The following TSTD2 variants were observed in gnomAD, a reference collection of about 807,000 sequenced individuals.
TSTD2 encodes the protein thiosulfate sulfurtransferase like domain containing 2.
Under a neutral mutation model 47.9 loss-of-function variants are expected in TSTD2, and 37 were observed. The ratio of observed to expected loss-of-function variants is 0.77; its 90% CI spans 0.59 to 1.02. The LOEUF (loss-of-function observed/expected upper bound fraction) is 1.02, where lower values mean the gene tolerates loss of function less well. Among genes scored for constraint, TSTD2 ranks in the 50% least tolerant of loss-of-function variants. The probability of loss-of-function intolerance (pLI) is 0.00; values close to 1 mark genes in which losing one functional copy is unlikely to be tolerated. For missense variants in TSTD2, 586 were observed against 616.0 expected, an observed-to-expected ratio of 0.95 and a Z score of 0.52; for synonymous variants, 201 against 215.9, an observed-to-expected ratio of 0.93 and a Z score of 0.61.
rs374891796 is a variant in TSTD2 at position 97,605,509 on chromosome 9, G to A, written c.1087C>T (p.Arg363Trp). ...MYCTGGIRCERGSAYLKAKGV... is the reference protein window; with the variant it reads ...MYCTGGIRCEWGSAYLKAKGV... ...TTGGCTTTGAGGTAGGCTGAACCCC[G>A]CTCACAGCGGATGCCCCCGGTACAG... Residue 363 changes from arginine to tryptophan, a missense_variant, in exon 8 of 10, where the codon CGG becomes TGG. Transcript: ENST00000341170. The A allele has an allele frequency of 2.0e-5, 32 of 1,613,734 alleles. No individual in the cohort carries two copies. Among genetic ancestry groups the A allele is most frequent in the Non-Finnish European group, 2.7e-5 (32 of 1,179,920 alleles).
intron 6 of TSTD2, among the ~76,000 whole-genome samples, chr9:97,607,799 T>C (rs995139934): frequency 6.6e-6 from 1 of 151,990 alleles, no homozygotes. Flanking sequence ...AGCTACTCAG[T>C]AGGCTGAGGC....
chr9:97,606,322 G>A, intron 6 of TSTD2, 61 bp from the exon 7 acceptor site: 2 of 962,744 alleles, frequency 2.1e-6, no homozygotes, highest in Admixed American at 2.2e-5. Context: ...ACCCAATCAT[G>A]ACTCACCCAG....
intron 1 of TSTD2, among the ~76,000 whole-genome samples, chr9:97,629,916 T>C (rs1032149455): frequency 6.6e-6 from 1 of 152,226 alleles, no homozygotes; most frequent in African/African-American, 2.4e-5. Flanking sequence ...CAGCATCTTT[T>C]CCAATCTCCC....
At chr9:97,613,827 CTTT>C (rs755229835) in intron 4 of TSTD2, among the ~76,000 whole-genome samples, 7 of 123,052 alleles carry the variant, frequency 5.7e-5, no homozygotes, top group African/African-American at 3.2e-5. Flanking sequence ...TTGATCAATT[CTTT>C]TTTTTTTTTT....
chr9:97,621,792 C>G (rs1826642010), intron 3 of TSTD2, among the ~76,000 whole-genome samples: 2 of 152,136 alleles, frequency 1.3e-5, no homozygotes, highest in Admixed American at 1.3e-4. Context: ...GACATGAAAC[C>G]TCATCAGTAA....
chr9:97,612,283 T>C (rs951244838), intron 4 of TSTD2, among the ~76,000 whole-genome samples: 1 of 152,242 alleles, frequency 6.6e-6, no homozygotes, highest in African/African-American at 2.4e-5. Flanking sequence ...TCTTTGCTAC[T>C]GTGAACAGTG....
Position 97,601,456 on chromosome 9 carries a change from A to G in TSTD2, c.*1013T>C, listed in dbSNP as rs1356496304. On this transcript the variant is annotated 3_prime_UTR_variant, in exon 10 of 10. Transcript: ENST00000341170. ...CCAGAGAGAACATTTAAAAGCTCAG[A>G]GAGTAAGTGCTGGGGAAAGCAGAGC... 3.9e-6 allele frequency: 4 copies of G among 1,016,226 alleles called. No individual in the cohort carries two copies. In the East Asian group the frequency reaches 4.3e-4, roughly 109 times the overall value. The allele number at this position is 1,016,226 out of a possible 1,614,324, so 63.0% of individuals were successfully genotyped here.
At chr9:97,606,622 C>G (rs1379208690) in intron 6 of TSTD2, among the ~76,000 whole-genome samples, 1 of 152,134 alleles carries the variant, frequency 6.6e-6, no homozygotes, top group Non-Finnish European at 1.5e-5. Context: ...ATTGTATGGT[C>G]ACTGGTAGGT....
chr9:97,601,950 T>C lies in TSTD2; in HGVS notation c.*519A>G, dbSNP rs1826269442. The C allele has an allele frequency of 6.5e-6, 1 of 153,058 alleles. No individual in the cohort carries two copies. Among genetic ancestry groups the C allele is most frequent in the Non-Finnish European group, 1.5e-5 (1 of 68,740 alleles). The allele number at this position is 153,058 out of a possible 1,614,324, so 9.5% of individuals were successfully genotyped here. The stretch of plus-strand genomic sequence containing the variant: ...GCGTTCTGGAACTATCCTCCATGTA[T>C]ACCAAAGGATGGTTATTTCTACAAA... On this transcript the variant is annotated 3_prime_UTR_variant, in exon 10 of 10. Coordinates refer to ENST00000341170, the MANE Select transcript of TSTD2 (RefSeq NM_139246.5).
Position 97,625,860 on chromosome 9 carries a change from A to T in TSTD2, c.303T>A (p.Ala101=). ...SIHRHVATQH[A]DEIYHQTASI... ...AAGCTGTCTGGTGATAAATTTCATCAGCATGTTGTGTTGCCACATGTCTAT... is the reference window on the plus strand; with the variant it reads ...AAGCTGTCTGGTGATAAATTTCATCTGCATGTTGTGTTGCCACATGTCTAT... The change falls in exon 3 of 10, where the codon GCT becomes GCA. Residue 101 remains alanine, a synonymous_variant. Coordinates refer to ENST00000341170, the MANE Select transcript of TSTD2 (RefSeq NM_139246.5). 1.9e-6 allele frequency: 3 copies of T among 1,614,180 alleles called. No homozygotes were observed. The African/African-American group carries it at 4.0e-5, about 22-fold the overall frequency.
intron 5 of TSTD2, 44 bp from the exon 6 acceptor site, chr9:97,610,495 TCTC>T: frequency 7.2e-7 from 1 of 1,392,818 alleles, no homozygotes; most frequent in Non-Finnish European, 9.6e-7. Context: ...TGCTGTCCCA[TCTC>T]CAGGTATAAG....
chr9:97,614,305 C>T (rs1439471425), intron 4 of TSTD2, among the ~76,000 whole-genome samples: 1 of 151,804 alleles, frequency 6.6e-6, no homozygotes, highest in Non-Finnish European at 1.5e-5. Flanking sequence ...CATCGATAAC[C>T]CTACATGCCT....
At chr9:97,626,098 T>C (rs918176973) in intron 2 of TSTD2, 101 bp from the exon 3 acceptor site, 59 of 1,152,464 alleles carry the variant, frequency 5.1e-5, no homozygotes, top group Non-Finnish European at 6.8e-5. Context: ...CACAGGGGCT[T>C]CTAGTTTTAT....
intron 6 of TSTD2, 126 bp from the exon 7 acceptor site, chr9:97,606,387 T>TA (rs1826365901): frequency 3.3e-6 from 2 of 599,426 alleles, no homozygotes; most frequent in South Asian, 2.1e-5. Flanking sequence ...TCTTCATAAT[T>TA]ACAACTGTCT....
intron 3 of TSTD2, among the ~76,000 whole-genome samples, chr9:97,619,005 G>T (rs1019486585): frequency 2.6e-5 from 4 of 152,120 alleles, no homozygotes; most frequent in Non-Finnish European, 5.9e-5. Context: ...TTTCTAACTA[G>T]TAAGTAAATT....
chr9:97,622,598 A>C (rs1166557509), intron 3 of TSTD2, among the ~76,000 whole-genome samples: 1 of 152,226 alleles, frequency 6.6e-6, no homozygotes, highest in East Asian at 1.9e-4. Context: ...TGTGCCGAAA[A>C]GATGCAGACA....
intron 4 of TSTD2, 39 bp from the exon 5 acceptor site, chr9:97,611,738 T>A: frequency 6.3e-7 from 1 of 1,575,940 alleles, no homozygotes; most frequent in Non-Finnish European, 8.7e-7. Context: ...CAGATTGTTC[T>A]TAGCTTGGTT....
intron 3 of TSTD2, among the ~76,000 whole-genome samples, chr9:97,622,587 G>A (rs534348951): frequency 2.1e-4 from 32 of 152,334 alleles, no homozygotes; most frequent in African/African-American, 5.1e-4. Flanking sequence ...AGCTTGCACC[G>A]TGTGCCGAAA....
At chr9:97,610,023 A>G (rs955786431) in intron 6 of TSTD2, among the ~76,000 whole-genome samples, 1 of 152,158 alleles carries the variant, frequency 6.6e-6, no homozygotes, top group Non-Finnish European at 1.5e-5. Context: ...CAAAAGGCCT[A>G]TTTGCTCTAT....
Sources: gnomAD v4.1 joint callset for allele counts (sites outside exome capture counted in the v4.1 genomes callset) on GRCh38, gnomAD v4.1.1 for gene constraint, MANE v1.5 for transcripts, NCBI Gene and HGNC (gene_info 2026-07-23, HGNC 2026-07-21) for gene names.